The following SLC25A26 variants were observed in gnomAD, a reference collection of about 807,000 sequenced individuals.
SLC25A26 encodes solute carrier family 25 member 26.
SLC25A26 carries 36 observed loss-of-function variants against 37.8 expected under a neutral mutation model. The observed-to-expected ratio is 0.95, with a 90% confidence interval of 0.73 to 1.26. The LOEUF (loss-of-function observed/expected upper bound fraction) is 1.26, where lower values mean the gene tolerates loss of function less well. SLC25A26 is among the 50% of genes most tolerant of loss of function. SLC25A26 has a pLI of 0.00. For synonymous variants in SLC25A26, 129 were observed against 122.5 expected (o/e 1.05, Z -0.35); for missense variants, 390 against 331.1 (o/e 1.18, Z -1.38).
chr3:66,159,258 A>C (rs2070324375), intron 1 of SLC25A26, among the ~76,000 whole-genome samples: 1 of 152,138 alleles, frequency 6.6e-6, no homozygotes, highest in Non-Finnish European at 1.5e-5. Flanking sequence ...TTTTAATGTT[A>C]TTTGTTCCTT....
chr3:66,276,972 A>T (rs1484101627), intron 5 of SLC25A26, among the ~76,000 whole-genome samples: 1 of 151,582 alleles, frequency 6.6e-6, no homozygotes, highest in Non-Finnish European at 1.5e-5. Context: ...AAAAAAAAAA[A>T]GGTTCAAATT....
chr3:66,234,787 C>G (rs2072195466), intron 1 of SLC25A26, among the ~76,000 whole-genome samples: 1 of 152,052 alleles, frequency 6.6e-6, no homozygotes, highest in Non-Finnish European at 1.5e-5. Context: ...GTTTGAAGTT[C>G]AATTGTATGT....
intron 6 of SLC25A26, among the ~76,000 whole-genome samples, chr3:66,351,457 A>G (rs2076451593): frequency 6.6e-6 from 1 of 152,216 alleles, no homozygotes; most frequent in Admixed American, 6.5e-5. Flanking sequence ...GAAGAGAAGC[A>G]TGATAGATTT....
chr3:66,337,818 A>T (rs1161724526), intron 5 of SLC25A26, among the ~76,000 whole-genome samples: 1 of 152,052 alleles, frequency 6.6e-6, no homozygotes, highest in Admixed American at 6.6e-5. Flanking sequence ...AACCTGCAAA[A>T]GCTATCAATA....
rs1188057707 is a variant in SLC25A26, at chr3:66,221,027, C to T, written c.-68C>T. On this transcript the variant is annotated 5_prime_UTR_variant, in exon 1 of 10. Transcript: ENST00000354883. The stretch of plus-strand genomic sequence containing the variant: ...GACCCGCCTCAAACATGGCGGCGCC[C>T]AGCGCGCGAGGACGTGATCCGCTTC... 1.1e-5 allele frequency: 17 copies of T among 1,510,394 alleles called. No individual in the cohort carries two copies. Among genetic ancestry groups the T allele is most frequent in the African/African-American group, 4.1e-5 (3 of 72,454 alleles). 93.6% of individuals were successfully genotyped at this position (1,510,394 alleles called of 1,614,324 possible). A position where few individuals can be genotyped will look rare whatever the true frequency, so the allele number is the denominator to read the frequency against.
intron 1 of SLC25A26, among the ~76,000 whole-genome samples, chr3:66,165,556 G>A (rs1225983015): frequency 1.3e-5 from 2 of 151,974 alleles, no homozygotes; most frequent in Non-Finnish European, 2.9e-5. Context: ...GGAAACAGCT[G>A]GCTAGGATTC....
At chr3:66,322,085 G>A (rs935483694) in intron 5 of SLC25A26, among the ~76,000 whole-genome samples, 2 of 152,052 alleles carry the variant, frequency 1.3e-5, no homozygotes, top group Non-Finnish European at 2.9e-5. Context: ...CATGAACTTT[G>A]GGGGACACAT....
intron 5 of SLC25A26, among the ~76,000 whole-genome samples, chr3:66,294,977 C>T (rs1014867895): frequency 6.6e-5 from 10 of 152,298 alleles, no homozygotes; most frequent in Admixed American, 3.3e-4. Context: ...TTATCAAAAA[C>T]ACTTTACTGC....
intron 5 of SLC25A26, among the ~76,000 whole-genome samples, chr3:66,310,021 G>A (rs756614064): frequency 3.9e-5 from 6 of 152,260 alleles, no homozygotes; most frequent in Admixed American, 6.5e-5. Flanking sequence ...AGGTCCCCTC[G>A]GTCCGGAGCT....
At chr3:66,261,468 T>C (rs1162194021) in intron 3 of SLC25A26, 1 of 152,434 alleles carries the variant, frequency 6.6e-6, no homozygotes, top group African/African-American at 2.4e-5. Flanking sequence ...AAGGGTGATA[T>C]TAGAATCATA....
chr3:66,181,204 T>A (rs1234621824), intron 1 of SLC25A26, among the ~76,000 whole-genome samples: 1 of 152,254 alleles, frequency 6.6e-6, no homozygotes, highest in Non-Finnish European at 1.5e-5. Flanking sequence ...AGTTCACTTG[T>A]GTATGTGACA....
chr3:66,341,618 G>A (rs1337839064), intron 5 of SLC25A26, among the ~76,000 whole-genome samples: 1 of 152,118 alleles, frequency 6.6e-6, no homozygotes, highest in Non-Finnish European at 1.5e-5. Context: ...CAGTCAAACT[G>A]TTCACACTCA....
At chr3:66,150,698 C>T (rs1290265346) in intron 1 of SLC25A26, among the ~76,000 whole-genome samples, 1 of 121,394 alleles carries the variant, frequency 8.2e-6, no homozygotes, top group Admixed American at 9.7e-5. Flanking sequence ...TGAGTTTGGG[C>T]TGTATTAGAA....
At chr3:66,173,823 T>G (rs907239944) in intron 1 of SLC25A26, among the ~76,000 whole-genome samples, 1 of 151,906 alleles carries the variant, frequency 6.6e-6, no homozygotes, top group African/African-American at 2.4e-5. Context: ...GAGGCCAAGG[T>G]GGGTGGATCA....
chr3:66,185,871 A>T (rs2070816858), intron 1 of SLC25A26, among the ~76,000 whole-genome samples: 1 of 152,062 alleles, frequency 6.6e-6, no homozygotes, highest in Non-Finnish European at 1.5e-5. Context: ...TTTTACTTTG[A>T]TCTTTTTCAG....
intron 3 of SLC25A26, among the ~76,000 whole-genome samples, chr3:66,252,182 C>T (rs2073110638): frequency 1.3e-5 from 2 of 152,152 alleles, no homozygotes; most frequent in Admixed American, 1.3e-4. Flanking sequence ...CAGTGACAAA[C>T]CTTTATTTCC....
chr3:66,221,204 G>T, intron 1 of SLC25A26, 77 bp downstream of exon 1: 1 of 1,413,602 alleles, frequency 7.1e-7, no homozygotes, highest in Admixed American at 2.8e-5. Context: ...TCTCTGCACT[G>T]GTTTTCTTCC....
intron 5 of SLC25A26, among the ~76,000 whole-genome samples, chr3:66,300,251 G>GGTTTTTTTTTTTTT (rs1553688691): frequency 9.0e-6 from 1 of 111,616 alleles, no homozygotes; most frequent in Non-Finnish European, 1.9e-5. Flanking sequence ...GGGTTTTTTT[G>GGTTTTTTTTTTTTT]TTTTGTTTTT....
At chr3:66,271,737 G>A (rs776666432) in intron 5 of SLC25A26, among the ~76,000 whole-genome samples, 1 of 152,138 alleles carries the variant, frequency 6.6e-6, no homozygotes, top group Middle Eastern at 3.4e-3. Context: ...CATCTCTTCA[G>A]AAAGAAGACC....
Sources: gnomAD v4.1 joint callset for allele counts (sites outside exome capture counted in the v4.1 genomes callset) on GRCh38, gnomAD v4.1.1 for gene constraint, MANE v1.5 for transcripts, NCBI Gene and HGNC (gene_info 2026-07-23, HGNC 2026-07-21) for gene names.